The following SLC8A1 variants were observed in gnomAD, a reference collection of about 807,000 sequenced individuals.
The protein encoded by SLC8A1 is sodium/calcium exchanger 1.
In SLC8A1, 18 loss-of-function variants were observed where a neutral mutation model predicts 68.3. The ratio of observed to expected loss-of-function variants is 0.26; its 90% CI spans 0.18 to 0.39. The LOEUF (loss-of-function observed/expected upper bound fraction) is 0.39, where lower values mean the gene tolerates loss of function less well. Ranked by LOEUF, SLC8A1 falls within the 10% of genes least tolerant of loss-of-function variation. The pLI, the probability that SLC8A1 is intolerant of heterozygous loss-of-function variation, is 1.00. For synonymous variants in SLC8A1, 475 were observed against 415.5 expected, an observed-to-expected ratio of 1.14 and a Z score of -1.74; for missense variants, 985 against 1,156.7, an observed-to-expected ratio of 0.85 and a Z score of 2.15.
intron 2 of SLC8A1, among the ~76,000 whole-genome samples, chr2:40,240,959 A>C (rs2061141480): frequency 6.6e-6 from 1 of 152,208 alleles, no homozygotes; most frequent in African/African-American, 2.4e-5. Flanking sequence ...AAAGAACTTA[A>C]AACAGAGGTA....
chr2:40,152,814 A>G (rs1434041914), intron 6 of SLC8A1, among the ~76,000 whole-genome samples: 1 of 151,984 alleles, frequency 6.6e-6, no homozygotes, highest in Admixed American at 6.6e-5. Flanking sequence ...AATTACACAG[A>G]AGCCAGGCAT....
intron 2 of SLC8A1, among the ~76,000 whole-genome samples, chr2:40,428,227 G>A (rs1697376440): frequency 6.6e-6 from 1 of 152,084 alleles, no homozygotes; most frequent in Non-Finnish European, 1.5e-5. Flanking sequence ...TAGTTAAAAT[G>A]TGTAAATGTA....
At chr2:40,170,146 G>T (rs1573502453) in intron 4 of SLC8A1, 135 bp downstream of exon 7, 1 of 763,636 alleles carries the variant, frequency 1.3e-6, no homozygotes, top group Non-Finnish European at 2.2e-6. Context: ...CCGTACCACT[G>T]GCTGCCAGAG....
At chr2:40,503,346 A>G (rs1426269534) in intron 1 of SLC8A1, among the ~76,000 whole-genome samples, 2 of 151,950 alleles carry the variant, frequency 1.3e-5, no homozygotes, top group East Asian at 3.9e-4. Context: ...TGCATACTCT[A>G]AGTTCTTCAG....
intron 7 of SLC8A1, among the ~76,000 whole-genome samples, chr2:40,127,115 G>A (rs1445662151): frequency 6.6e-6 from 1 of 152,160 alleles, no homozygotes; most frequent in African/African-American, 2.4e-5. Context: ...CAGAGACTCA[G>A]TTTGGGCTTC....
chr2:40,337,432 T>C, intron 2 of SLC8A1: 1 of 259,668 alleles, frequency 3.9e-6, no homozygotes, highest in South Asian at 3.7e-5. Flanking sequence ...TACCTGATTC[T>C]ACAGGGAACC....
At chr2:40,364,754 G>A (rs1166923492) in intron 2 of SLC8A1, among the ~76,000 whole-genome samples, 2 of 151,914 alleles carry the variant, frequency 1.3e-5, no homozygotes, top group Non-Finnish European at 2.9e-5. Context: ...CTGCCCTCCT[G>A]GAAAGCCCTT....
chr2:40,490,352 A>G (rs2149922999), intron 1 of SLC8A1, among the ~76,000 whole-genome samples: 1 of 152,230 alleles, frequency 6.6e-6, no homozygotes, highest in South Asian at 2.1e-4. Flanking sequence ...GCACAGAATA[A>G]TTTTGTCATA....
At chr2:40,291,808 T>C (rs116115484) in intron 2 of SLC8A1, among the ~76,000 whole-genome samples, 5,091 of 152,194 alleles carry the variant, frequency 0.033, 269 homozygotes, top group African/African-American at 0.12. Flanking sequence ...CATATTTTCA[T>C]TAGATGAGCT....
intron 2 of SLC8A1, among the ~76,000 whole-genome samples, chr2:40,316,273 G>C (rs917610038): frequency 3.3e-5 from 5 of 152,082 alleles, no homozygotes; most frequent in Admixed American, 3.3e-4. Context: ...CTGAAGAGAA[G>C]GCTTGCAACT....
At chr2:40,321,098 C>T (rs2075130577) in intron 2 of SLC8A1, among the ~76,000 whole-genome samples, 1 of 152,118 alleles carries the variant, frequency 6.6e-6, no homozygotes, top group South Asian at 2.1e-4. Context: ...GATCATACAT[C>T]TACTTATGAT....
At chr2:40,236,833 A>C (rs1176469909) in intron 2 of SLC8A1, among the ~76,000 whole-genome samples, 2 of 150,440 alleles carry the variant, frequency 1.3e-5, no homozygotes, top group Non-Finnish European at 3.0e-5. Flanking sequence ...TTGTCTGTAA[A>C]GTATTTTATT....
At chr2:40,376,131 C>T (rs1045388718) in intron 2 of SLC8A1, among the ~76,000 whole-genome samples, 1 of 152,072 alleles carries the variant, frequency 6.6e-6, no homozygotes, top group African/African-American at 2.4e-5. Flanking sequence ...TTTTTTCCAA[C>T]ATCTTTGTCA....
intron 2 of SLC8A1, among the ~76,000 whole-genome samples, chr2:40,180,473 C>T (rs1020826814): frequency 6.6e-6 from 1 of 152,212 alleles, no homozygotes; most frequent in African/African-American, 2.4e-5. Flanking sequence ...ATTTCCATCT[C>T]ACAGTCTTGC....
exon 8 of SLC8A1, chr2:40,113,516 C>G (rs1474083750): frequency 1.6e-5 from 2 of 125,002 alleles, no homozygotes; most frequent in African/African-American, 6.5e-5. Flanking sequence ...TCTCTTTCAG[C>G]ATAAGTAGAG....
intron 2 of SLC8A1, among the ~76,000 whole-genome samples, chr2:40,350,587 C>CAAAAAAAAAAAAAA (rs572258156): frequency 3.9e-5 from 3 of 76,208 alleles, no homozygotes; most frequent in Non-Finnish European, 7.8e-5. Context: ...CCCAGACAAG[C>CAAAAAAAAAAAAAA]AAAAAAAAAA....
At chr2:40,385,511 A>G (rs921755033) in intron 2 of SLC8A1, among the ~76,000 whole-genome samples, 1 of 13,968 alleles carries the variant, frequency 7.2e-5, no homozygotes, top group Non-Finnish European at 1.3e-4. Flanking sequence ...GAGATTTATA[A>G]TAAACACGGG....
chr2:40,240,779 G>A (rs1240354551), intron 2 of SLC8A1, among the ~76,000 whole-genome samples: 1 of 152,188 alleles, frequency 6.6e-6, no homozygotes, highest in Non-Finnish European at 1.5e-5. Context: ...TTAGGAGACT[G>A]AGGCAGGAGG....
chr2:40,198,084 T>A (rs1454107224), intron 2 of SLC8A1, among the ~76,000 whole-genome samples: 1 of 151,962 alleles, frequency 6.6e-6, no homozygotes, highest in African/African-American at 2.4e-5. Flanking sequence ...AGCTCCAAAC[T>A]TCTAGAAGGA....
Sources: allele counts gnomAD v4.1 joint callset (sites outside exome capture counted in the v4.1 genomes callset), GRCh38; gene constraint gnomAD v4.1.1; transcripts MANE v1.5; gene names NCBI Gene and HGNC (gene_info 2026-07-23, HGNC 2026-07-21).